ANKS1A: variants seen among roughly 807,000 people sequenced by gnomAD.
The protein encoded by ANKS1A is ankyrin repeat and sterile alpha motif domain containing 1A, also known as ankyrin repeat and SAM domain-containing protein 1A.
Under a neutral mutation model 120.3 loss-of-function variants are expected in ANKS1A, and 55 were observed. The ratio of observed to expected loss-of-function variants is 0.46; its 90% confidence interval spans 0.37 to 0.57. The LOEUF is 0.57. ANKS1A is among the 20% of genes least tolerant of loss of function. The pLI, the probability that ANKS1A is intolerant of heterozygous loss-of-function variation, is 0.00. For synonymous variants in ANKS1A, 590 were observed against 604.7 expected (o/e 0.98, Z 0.36); for missense variants, 1,123 against 1,480.3 (o/e 0.76, Z 3.96).
chr6:34,982,838 G>A lies in ANKS1A; in HGVS notation c.808+11G>A, dbSNP rs778256664. On this transcript the variant is annotated intron_variant, in intron 5 of 23. Coordinates refer to ENST00000360359, the MANE Select transcript of ANKS1A (RefSeq NM_015245.3). This position sits in a 1 kb window ranked among gnomAD's most constrained non-coding sequence, Gnocchi z 4.9. ...TCCTGCTGGCTGCAGGTGAGAGGTC[G>A]GCAGCGCTCTTGTCTACACAGCGTG... is the stretch of plus-strand genomic sequence containing the variant. The A allele has an allele frequency of 8.1e-6, 13 of 1,614,202 alleles. No homozygotes were observed. The highest frequency in any genetic ancestry group is 8.0e-5 in the African/African-American group (6 of 75,060).
intron 1 of ANKS1A, among the ~76,000 whole-genome samples, chr6:34,895,210 T>TA (rs60369648): frequency 2.0e-5 from 3 of 149,826 alleles, no homozygotes; most frequent in Non-Finnish European, 3.0e-5. Flanking sequence ...TTTTTTTTTT[T>TA]AATTAAAAAA....
chr6:35,089,791 C>A lies in ANKS1A; in HGVS notation c.*1182C>A. 1 of 1,022,846 alleles carries A rather than the reference C, an allele frequency of 9.8e-7. No homozygotes were observed. Among genetic ancestry groups the A allele is most frequent in the Non-Finnish European group, 1.2e-6 (1 of 853,364 alleles). 63.4% of individuals were successfully genotyped at this position (1,022,846 alleles called of 1,614,324 possible). On this transcript the variant is annotated 3_prime_UTR_variant, in exon 24 of 24. Coordinates refer to ENST00000360359, the MANE Select transcript of ANKS1A (RefSeq NM_015245.3). ...TTCCCTCTGGACTAGAGTAGAAATG[C>A]AGGGGAAACTGCTGTGGATTTGAGA...
At position 35,088,828 on chromosome 6, in the gene ANKS1A, T is replaced by C; in HGVS notation, c.*219T>C. On this transcript the variant is annotated 3_prime_UTR_variant, in exon 24 of 24. Coordinates refer to ENST00000360359, the MANE Select transcript of ANKS1A (RefSeq NM_015245.3). Reference sequence around the variant, plus strand: ...AGAAGCACTCCAGGCCGCTAGCAGATGGGACTGGCATTCCAGAGGGTCAAG... The same window carrying C: ...AGAAGCACTCCAGGCCGCTAGCAGACGGGACTGGCATTCCAGAGGGTCAAG... The C allele has an allele frequency of 1.0e-5, 15 of 1,470,600 alleles. No individual in the cohort carries two copies. The highest frequency in any genetic ancestry group is 1.3e-5 in the Non-Finnish European group (15 of 1,113,166). 91.1% of individuals were successfully genotyped at this position (1,470,600 alleles called of 1,614,324 possible).
intron 2 of ANKS1A, among the ~76,000 whole-genome samples, chr6:34,969,011 G>A (rs1051798778): frequency 1.3e-5 from 2 of 152,192 alleles, no homozygotes; most frequent in African/African-American, 4.8e-5. Context: ...CCCATATATA[G>A]TGGGGTAATC....
intron 1 of ANKS1A, among the ~76,000 whole-genome samples, chr6:34,939,827 G>C (rs1769440995): frequency 6.6e-6 from 1 of 152,222 alleles, no homozygotes; most frequent in Non-Finnish European, 1.5e-5. Flanking sequence ...TAGCTGCAGA[G>C]TAGATGATGG....
chr6:35,009,263 AG>A (rs1045982573), intron 10 of ANKS1A, among the ~76,000 whole-genome samples: 6 of 152,276 alleles, frequency 3.9e-5, no homozygotes, highest in Admixed American at 3.9e-4. Context: ...AGTTATAGGA[AG>A]GGAGGTATGA....
chr6:34,977,710 A>C (rs1413558925), intron 3 of ANKS1A, among the ~76,000 whole-genome samples: 5 of 152,048 alleles, frequency 3.3e-5, no homozygotes, highest in African/African-American at 1.2e-4. Flanking sequence ...CTCTTCTTCC[A>C]CATGATGGAC....
At chr6:35,074,292 T>A (rs1777230106) in intron 13 of ANKS1A, among the ~76,000 whole-genome samples, 1 of 152,210 alleles carries the variant, frequency 6.6e-6, no homozygotes, top group Non-Finnish European at 1.5e-5. Flanking sequence ...GGTATCCTCA[T>A]AATCAGGTAG....
chr6:35,070,501 T>A (rs556001545), intron 13 of ANKS1A, among the ~76,000 whole-genome samples: 4,154 of 144,502 alleles, frequency 0.029, 118 homozygotes, highest in African/African-American at 0.07. Context: ...TTTTTTTTTT[T>A]TTTTTTTTGA....
Position 35,090,014 on chromosome 6 carries a change from C to G in ANKS1A, c.*1405C>G. The G allele has an allele frequency of 8.2e-7, 1 of 1,220,166 alleles. No homozygotes were observed. The highest frequency in any genetic ancestry group is 1.0e-6 in the Non-Finnish European group (1 of 954,978). 75.6% of individuals were successfully genotyped at this position (1,220,166 alleles called of 1,614,324 possible). ...TGCAGGGAGTACTGTTAGGCACATT[C>G]TTAACCCATGTGGTTGGCCAGAAAT... is the stretch of plus-strand genomic sequence containing the variant. On this transcript the variant is annotated 3_prime_UTR_variant, in exon 24 of 24. Coordinates refer to ENST00000360359, the MANE Select transcript of ANKS1A (RefSeq NM_015245.3).
At chr6:34,934,309 G>T (rs1028869376) in intron 1 of ANKS1A, among the ~76,000 whole-genome samples, 1 of 151,764 alleles carries the variant, frequency 6.6e-6, no homozygotes. Context: ...CACCATGCCC[G>T]GCTAATTTTT....
intron 10 of ANKS1A, among the ~76,000 whole-genome samples, chr6:35,011,834 T>G (rs1049777045): frequency 6.6e-6 from 1 of 152,220 alleles, no homozygotes; most frequent in African/African-American, 2.4e-5. Flanking sequence ...ATAGCAGCTA[T>G]CATTTACTGA....
At chr6:34,900,075 A>G (rs1245742770) in intron 1 of ANKS1A, among the ~76,000 whole-genome samples, 1 of 152,212 alleles carries the variant, frequency 6.6e-6, no homozygotes, top group African/African-American at 2.4e-5. Flanking sequence ...GGCTTTACAT[A>G]CATGTATTTG....
intron 1 of ANKS1A, among the ~76,000 whole-genome samples, chr6:34,890,420 G>A (rs573063910): frequency 6.6e-6 from 1 of 152,258 alleles, no homozygotes; most frequent in African/African-American, 2.4e-5. Flanking sequence ...AATTGCCTCT[G>A]GATGTATCAT....
At position 35,083,020 on chromosome 6, in the gene ANKS1A, C is replaced by G. The variant is rs1561966843; in HGVS notation, c.2836-135C>G. The G allele has an allele frequency of 5.4e-6, 7 of 1,293,510 alleles. No individual in the cohort carries two copies. The Admixed American group carries it at 1.5e-4, about 28-fold the overall frequency. 80.1% of individuals were successfully genotyped at this position (1,293,510 alleles called of 1,614,324 possible). ...CTAGGGAGTTGAATGGAGGGTCTCTCCAGCTGGGGCAGGAGAGGGGGTGTT... is the reference window on the plus strand; with the variant it reads ...CTAGGGAGTTGAATGGAGGGTCTCTGCAGCTGGGGCAGGAGAGGGGGTGTT... On this transcript the variant is annotated intron_variant, in intron 18 of 23. Coordinates refer to ENST00000360359, the MANE Select transcript of ANKS1A (RefSeq NM_015245.3).
chr6:34,943,299 A>G (rs1769624156), intron 1 of ANKS1A, among the ~76,000 whole-genome samples: 1 of 152,184 alleles, frequency 6.6e-6, no homozygotes, highest in Admixed American at 6.5e-5. Flanking sequence ...AAAAGTACAG[A>G]GAGTTCCCAT....
intron 1 of ANKS1A, among the ~76,000 whole-genome samples, chr6:34,960,029 C>T (rs1051136852): frequency 2.6e-5 from 4 of 152,076 alleles, no homozygotes; most frequent in Non-Finnish European, 5.9e-5. Context: ...GAACTCACCT[C>T]GATGTCCTTT....
At chr6:34,946,530 G>A (rs1374232986) in intron 1 of ANKS1A, among the ~76,000 whole-genome samples, 1 of 151,852 alleles carries the variant, frequency 6.6e-6, no homozygotes, top group Non-Finnish European at 1.5e-5. Context: ...GGAGATTGCA[G>A]TGAGCCGAGA....
At chr6:35,011,924 G>A (rs938201797) in intron 10 of ANKS1A, among the ~76,000 whole-genome samples, 1 of 152,124 alleles carries the variant, frequency 6.6e-6, no homozygotes, top group African/African-American at 2.4e-5. Flanking sequence ...AGATCTTCAG[G>A]GTAGGGGCTA....
Sources: gnomAD v4.1 joint callset for allele counts (sites outside exome capture counted in the v4.1 genomes callset) on GRCh38, gnomAD v4.1.1 for gene constraint, Gnocchi (gnomAD v3.1) non-coding constraint, MANE v1.5 for transcripts, NCBI Gene and HGNC (gene_info 2026-07-23, HGNC 2026-07-21) for gene names.